The following HNRNPD variants were observed in gnomAD, a reference collection of about 807,000 sequenced individuals.
HNRNPD encodes heterogeneous nuclear ribonucleoprotein D0.
In HNRNPD, 3 loss-of-function variants were observed where a neutral mutation model predicts 47.9. That is an observed-to-expected ratio of 0.06 (90% CI 0.03 to 0.16). The LOEUF is 0.16. Among genes scored for constraint, HNRNPD ranks in the 10% least tolerant of loss-of-function variants. HNRNPD has a pLI of 1.00. For synonymous variants in HNRNPD, 171 were observed against 165.1 expected, an observed-to-expected ratio of 1.04 and a Z score of -0.28; for missense variants, 287 against 454.2, an observed-to-expected ratio of 0.63 and a Z score of 3.35.
chr4:82,354,772 T>TA (rs947886434), intron 8 of HNRNPD: 2 of 152,866 alleles, frequency 1.3e-5, no homozygotes, highest in African/African-American at 4.8e-5. Context: ...ACTGGGCCTG[T>TA]AAAAAATGCA....
intron 2 of HNRNPD, among the ~76,000 whole-genome samples, chr4:82,369,706 A>G (rs1006250201): frequency 6.6e-6 from 1 of 151,736 alleles, no homozygotes; most frequent in African/African-American, 2.4e-5. Context: ...AAAAAGAGAG[A>G]GAAAAAAGTC....
At chr4:82,358,631 A>C (rs769707408) in intron 4 of HNRNPD, 28 bp downstream of exon 4, 3 of 1,587,404 alleles carry the variant, frequency 1.9e-6, no homozygotes, top group Non-Finnish European at 2.6e-6. Flanking sequence ...ATTTTGACAT[A>C]AACTGGGTCA....
chr4:82,365,316 A>G (rs958543143), intron 2 of HNRNPD, among the ~76,000 whole-genome samples: 6 of 152,178 alleles, frequency 3.9e-5, no homozygotes, highest in African/African-American at 1.4e-4. Context: ...TAAATGACCA[A>G]TCACTGTCAT....
rs919289866 is a variant in HNRNPD, at chr4:82,373,651, C to T, written c.28G>A (p.Gly10Arg). Reference protein sequence around the residue: MSEEQFGGDGAAAAATAAVG... With the variant: MSEEQFGGDRAAAAATAAVG... ...GCCGCCGTTGCCGCTGCCGCCGCCC[C>T]GTCCCCGCCGAACTGCTCCTCCGAC... Residue 10 changes from glycine (G) to arginine (R), a missense_variant, in exon 1 of 9, where the codon GGG (glycine) becomes AGG (arginine). By Grantham distance (125) the Gly-to-Arg change is moderately radical (BLOSUM62 -2). Transcript: ENST00000313899. The T allele has an allele frequency of 1.8e-5, 27 of 1,526,822 alleles. No individual in the cohort carries two copies. The Admixed American group carries it at 1.8e-4, about 10-fold the overall frequency. 94.6% of individuals were successfully genotyped at this position (1,526,822 alleles called of 1,614,324 possible). A position where few individuals can be genotyped will look rare whatever the true frequency, so the allele number is the denominator to read the frequency against.
rs1723612130 is a variant in HNRNPD, at chr4:82,353,905, A to C, written c.*280T>G. 1 of 152,692 alleles carries C rather than the reference A, an allele frequency of 6.5e-6. No homozygotes were observed. Among genetic ancestry groups the C allele is most frequent in the African/African-American group, 2.4e-5 (1 of 41,470 alleles). The allele number at this position is 152,692 out of a possible 1,614,324, so 9.5% of individuals were successfully genotyped here. ...GACACTGTCACACTGGGCTTTTAAC[A>C]CAAGACTTGCTCTACAATACTGGGG... On this transcript the variant is annotated 3_prime_UTR_variant, in exon 9 of 9. Transcript: ENST00000313899.
At chr4:82,373,135 A>C in intron 1 of HNRNPD, 1 of 588,994 alleles carries the variant, frequency 1.7e-6, no homozygotes, top group East Asian at 3.8e-5. Context: ...ACAGGCGGGA[A>C]AAAATCCTGG....
chr4:82,370,637 C>A (rs1386849640), intron 2 of HNRNPD, among the ~76,000 whole-genome samples: 3 of 152,030 alleles, frequency 2.0e-5, no homozygotes, highest in African/African-American at 4.8e-5. Context: ...ATAAGCAAAT[C>A]TTTAAATGTT....
At position 82,357,264 on chromosome 4, in the gene HNRNPD, T is replaced by C. The variant is rs1490822214; in HGVS notation, c.753+49A>G. ...TACAGAGAAAGATAAATGGTTAAGCTCTTTACAACAGCTAGTTTTCTCTAC... is the reference window on the plus strand; with the variant it reads ...TACAGAGAAAGATAAATGGTTAAGCCCTTTACAACAGCTAGTTTTCTCTAC... On this transcript the variant is annotated intron_variant, in intron 5 of 8. Transcript: ENST00000313899. The C allele has an allele frequency of 3.2e-6, 5 of 1,545,382 alleles. No individual in the cohort carries two copies. In the African/African-American group the frequency reaches 5.5e-5, roughly 17 times the overall value.
At position 82,356,790 on chromosome 4, in the gene HNRNPD, G is replaced by A; in HGVS notation, c.853+6C>T. The A allele has an allele frequency of 6.2e-7, 1 of 1,612,850 alleles. No individual in the cohort carries two copies. Among genetic ancestry groups the A allele is most frequent in the East Asian group, 2.2e-5 (1 of 44,866 alleles). On this transcript the variant is annotated splice_donor_region_variant and intron_variant, in intron 6 of 8. Transcript: ENST00000313899. ...TAAGATAGAGTAAACTTAGGCTCTA[G>A]CTTACCACCACCTCTTCCACGAGCT...
At chr4:82,367,680 G>T (rs548817314) in intron 2 of HNRNPD, among the ~76,000 whole-genome samples, 1 of 152,214 alleles carries the variant, frequency 6.6e-6, no homozygotes, top group Admixed American at 6.5e-5. Context: ...CTGTCACCTT[G>T]ATTACTGGCC....
At position 82,356,826 on chromosome 4, in the gene HNRNPD, ATCC is replaced by A; in HGVS notation, c.820_822del (p.Gly274del). The A allele has an allele frequency of 6.2e-7, 1 of 1,614,138 alleles. No homozygotes were observed. The highest frequency in any genetic ancestry group is 1.7e-5 in the Admixed American group (1 of 60,020). ...CCTCTTCCACGAGCTCTTCCTGCAA[ATCC>A]TCCTCTAGATCCCCACTGTTGCTGT... On this transcript the variant is annotated inframe_deletion, in exon 6 of 9. Coordinates refer to ENST00000313899, the MANE Select transcript of HNRNPD (RefSeq NM_031370.3).
Position 82,353,087 on chromosome 4 carries a change from C to G in HNRNPD, c.*1098G>C, listed in dbSNP as rs1723567977. ...CCATTCAAGTTGATGGGTATCAATTCCCTGAATGCTAATAACAGAACTCAA... is the reference window on the plus strand; with the variant it reads ...CCATTCAAGTTGATGGGTATCAATTGCCTGAATGCTAATAACAGAACTCAA... On this transcript the variant is annotated 3_prime_UTR_variant, in exon 9 of 9. Coordinates refer to ENST00000313899, the MANE Select transcript of HNRNPD (RefSeq NM_031370.3). The G allele has an allele frequency of 6.6e-6, 1 of 152,134 alleles. No individual in the cohort carries two copies. The highest frequency in any genetic ancestry group is 2.1e-4 in the South Asian group (1 of 4,832). 9.4% of individuals were successfully genotyped at this position (152,134 alleles called of 1,614,324 possible).
chr4:82,356,529 G>A lies in HNRNPD; in HGVS notation c.1000+8C>T, dbSNP rs746354743. ...AATAGCAGTTAATATAAAAAGTATA[G>A]TACTTACTGCTATAATCACCATATC... On this transcript the variant is annotated splice_region_variant and intron_variant, in intron 7 of 8. Transcript: ENST00000313899. The A allele has an allele frequency of 6.3e-7, 1 of 1,591,388 alleles. No homozygotes were observed. Among genetic ancestry groups the A allele is most frequent in the Non-Finnish European group, 8.6e-7 (1 of 1,161,820 alleles).
At chr4:82,373,285 G>A (rs991582111) in intron 1 of HNRNPD, 161 bp downstream of exon 1, 6 of 947,408 alleles carry the variant, frequency 6.3e-6, no homozygotes, top group South Asian at 1.6e-5. Context: ...AGGAAATGAA[G>A]GTCCGGGGAA....
chr4:82,364,951 C>T (rs1036551144), intron 2 of HNRNPD, among the ~76,000 whole-genome samples: 2 of 152,186 alleles, frequency 1.3e-5, no homozygotes, highest in African/African-American at 4.8e-5. Context: ...GATACCTCCC[C>T]TAATAAGTCT....
intron 2 of HNRNPD, among the ~76,000 whole-genome samples, chr4:82,361,493 A>G (rs563799267): frequency 6.6e-6 from 1 of 152,294 alleles, no homozygotes; most frequent in South Asian, 2.1e-4. Context: ...TAACTAACAA[A>G]CTTTGAAAGT....
intron 1 of HNRNPD, chr4:82,373,193 C>T (rs773095467): frequency 3.0e-6 from 2 of 677,784 alleles, no homozygotes; most frequent in African/African-American, 1.8e-5. Context: ...GAAAGGAGGG[C>T]GGGCCGAGGA....
chr4:82,361,269 T>A (rs1264347552), intron 2 of HNRNPD, among the ~76,000 whole-genome samples: 1 of 152,146 alleles, frequency 6.6e-6, no homozygotes, highest in African/African-American at 2.4e-5. Context: ...AACTTACAGG[T>A]CCAGAATACT....
intron 2 of HNRNPD, among the ~76,000 whole-genome samples, chr4:82,369,768 C>T (rs1428734960): frequency 6.6e-6 from 1 of 151,718 alleles, no homozygotes; most frequent in Admixed American, 6.6e-5. Flanking sequence ...CAGGATAGGG[C>T]TGCATAATTG....
Sources: gnomAD v4.1 joint callset for allele counts (sites outside exome capture counted in the v4.1 genomes callset) on GRCh38, gnomAD v4.1.1 for gene constraint, MANE v1.5 for transcripts, NCBI Gene and HGNC (gene_info 2026-07-23, HGNC 2026-07-21) for gene names.